LINGO2: variants seen among roughly 807,000 people sequenced by gnomAD.
The protein encoded by LINGO2 is leucine-rich repeat and immunoglobulin-like domain-containing nogo receptor-interacting protein 2.
A neutral mutation model predicts 30.6 loss-of-function variants in LINGO2; 14 were observed. That is an observed-to-expected ratio of 0.46 (90% CI 0.30 to 0.72). The LOEUF is 0.72. LINGO2 is among the 30% of genes least tolerant of loss of function. LINGO2 has a pLI of 0.07. For missense variants in LINGO2, 729 were observed against 751.7 expected (o/e 0.97, Z 0.35); for synonymous variants, 317 against 288.5 (o/e 1.10, Z -1.00).
chr9:28,507,738 T>C (rs1587776265), intron 1 of LINGO2, among the ~76,000 whole-genome samples: 1 of 152,230 alleles, frequency 6.6e-6, no homozygotes, highest in Non-Finnish European at 1.5e-5. Context: ...ATATTCAGAA[T>C]GAGGGAGAGC....
intron 4 of LINGO2, among the ~76,000 whole-genome samples, chr9:28,269,907 A>G (rs1822881301): frequency 6.6e-6 from 1 of 152,128 alleles, no homozygotes; most frequent in African/African-American, 2.4e-5. Flanking sequence ...CACATAGTCC[A>G]CAGAAGACAG....
the LINGO2 span, among the ~76,000 whole-genome samples, chr9:28,943,624 T>C: frequency 1.8e-4 from 28 of 152,202 alleles, no homozygotes; most frequent in Non-Finnish European, 4.0e-4. Context: ...TATTGTCTTT[T>C]ATTTGCAGTC....
intron 2 of LINGO2, among the ~76,000 whole-genome samples, chr9:28,385,338 T>C (rs1821535838): frequency 6.6e-6 from 1 of 152,140 alleles, no homozygotes; most frequent in South Asian, 2.1e-4. Context: ...TGGGCTTACC[T>C]AGACTAGATT....
chr9:29,017,157 A>G, the LINGO2 span, among the ~76,000 whole-genome samples: 1 of 123,374 alleles, frequency 8.1e-6, no homozygotes, highest in Non-Finnish European at 1.7e-5. Context: ...TGTTTTTTGC[A>G]TGTTGTTTAT....
At position 28,277,951 on chromosome 9, in the gene LINGO2, G is replaced by T. The variant is rs907380469; in HGVS notation, c.-87+17257C>A. Reference sequence around the variant, plus strand: ...GCCTCTTAACCAAACAGTTAGCCAAGTTGTGAATGCAAATGAAAGTTCTTG... The same window carrying T: ...GCCTCTTAACCAAACAGTTAGCCAATTTGTGAATGCAAATGAAAGTTCTTG... On this transcript the variant is annotated intron_variant, in intron 4 of 5. Transcript: ENST00000379992. 3.3e-5 allele frequency among the ~76,000 whole-genome samples: 5 copies of T among 151,878 alleles called. No individual in the cohort carries two copies. The East Asian group carries it at 9.7e-4, about 29-fold the overall frequency.
intron 4 of LINGO2, among the ~76,000 whole-genome samples, chr9:28,187,716 C>G (rs1819592516): frequency 6.6e-6 from 1 of 152,122 alleles, no homozygotes; most frequent in Non-Finnish European, 1.5e-5. Context: ...TTGAGAAGGA[C>G]AGAGTTATAT....
intron 3 of LINGO2, among the ~76,000 whole-genome samples, chr9:28,301,447 C>A (rs1374237857): frequency 1.3e-5 from 2 of 151,798 alleles, no homozygotes; most frequent in Non-Finnish European, 2.9e-5. Flanking sequence ...ATTAGCTCAT[C>A]AAAATTATGA....
At chr9:28,710,253 G>A in the LINGO2 span, among the ~76,000 whole-genome samples, 1 of 151,896 alleles carries the variant, frequency 6.6e-6, no homozygotes. Flanking sequence ...TAACATCTGT[G>A]AGTCAGGAAA....
intron 2 of LINGO2, among the ~76,000 whole-genome samples, chr9:28,420,059 G>A (rs1023007581): frequency 3.9e-5 from 6 of 152,060 alleles, no homozygotes; most frequent in African/African-American, 9.7e-5. Flanking sequence ...TGCCTCAACT[G>A]AGGAAGAATA....
At chr9:27,947,557 A>T (rs1823414671), downstream of LINGO2, among the ~76,000 whole-genome samples, 1 of 152,192 alleles carries the variant, frequency 6.6e-6, no homozygotes, top group Non-Finnish European at 1.5e-5. Flanking sequence ...AAAAACCAAA[A>T]TCTAATTGGT....
At chr9:28,193,393 T>C (rs931235312) in intron 4 of LINGO2, among the ~76,000 whole-genome samples, 16 of 152,248 alleles carry the variant, frequency 1.1e-4, no homozygotes, top group African/African-American at 3.6e-4. Flanking sequence ...TTTTAACTTT[T>C]AATTAAAAAT....
At position 28,441,823 on chromosome 9, in the gene LINGO2, CAAAT is replaced by C. The variant is rs1824209207; in HGVS notation, c.-279+34113_-279+34116del. On this transcript the variant is annotated intron_variant, in intron 2 of 5. Transcript: ENST00000379992. ...CCTATTACTTGAGATTTATTGCAAA[CAAAT>C]AACTCTCTAGAAGTCTCTGTGGCTG... Among the ~76,000 whole-genome samples, 3 of 151,994 alleles carry C rather than the reference CAAAT, an allele frequency of 2.0e-5. No homozygotes were observed. In the South Asian group the frequency reaches 6.2e-4, roughly 32 times the overall value.
the LINGO2 span, among the ~76,000 whole-genome samples, chr9:29,101,180 A>G: frequency 6.6e-3 from 1,000 of 152,316 alleles, 15 homozygotes; most frequent in African/African-American, 0.023. Flanking sequence ...ATAGGATAAG[A>G]GTGTTGACAC....
intron 3 of LINGO2, among the ~76,000 whole-genome samples, chr9:28,306,458 T>C (rs1008240010): frequency 1.3e-5 from 2 of 152,070 alleles, no homozygotes; most frequent in Non-Finnish European, 2.9e-5. Flanking sequence ...TAGCACTAAA[T>C]GCCCACAAGA....
chr9:28,953,624 T>G, the LINGO2 span, among the ~76,000 whole-genome samples: 1 of 152,130 alleles, frequency 6.6e-6, no homozygotes, highest in African/African-American at 2.4e-5. Context: ...TTATTCAATC[T>G]GCATTCAACC....
At chr9:29,109,120 C>T in the LINGO2 span, among the ~76,000 whole-genome samples, 3 of 144,304 alleles carry the variant, frequency 2.1e-5, no homozygotes, top group African/African-American at 7.7e-5. Context: ...GCTTTTTCCA[C>T]ATATTTTGCT....
intron 4 of LINGO2, among the ~76,000 whole-genome samples, chr9:28,225,247 A>G (rs897456145): frequency 4.6e-5 from 7 of 152,186 alleles, no homozygotes; most frequent in Non-Finnish European, 7.4e-5. Context: ...TTAATTTAAC[A>G]TTGTTATTAT....
chr9:29,114,569 C>T, the LINGO2 span, among the ~76,000 whole-genome samples: 3 of 117,302 alleles, frequency 2.6e-5, no homozygotes, highest in Non-Finnish European at 5.0e-5. Context: ...CACCCCATGA[C>T]AGGCCCTGGT....
chr9:28,855,523 T>C, the LINGO2 span, among the ~76,000 whole-genome samples: 1 of 152,014 alleles, frequency 6.6e-6, no homozygotes, highest in Non-Finnish European at 1.5e-5. Flanking sequence ...AGTTTTATAA[T>C]ATACCTAAAT....
Sources: allele counts gnomAD v4.1 joint callset (sites outside exome capture counted in the v4.1 genomes callset), GRCh38; gene constraint gnomAD v4.1.1; transcripts MANE v1.5; gene names NCBI Gene and HGNC (gene_info 2026-07-23, HGNC 2026-07-21).